Variants in CACNA2D1 observed in about 807,000 individuals in gnomAD.
The protein encoded by CACNA2D1 is calcium voltage-gated channel auxiliary subunit alpha2delta 1, also known as voltage-dependent calcium channel subunit alpha-2/delta-1.
Under a neutral mutation model 171.5 loss-of-function variants are expected in CACNA2D1, and 53 were observed. The observed-to-expected ratio is 0.31, with a 90% CI of 0.25 to 0.39. The LOEUF (loss-of-function observed/expected upper bound fraction) is 0.39, where lower values mean the gene tolerates loss of function less well. CACNA2D1 is among the 10% of genes least tolerant of loss of function. The pLI, the probability that CACNA2D1 is intolerant of heterozygous loss-of-function variation, is 1.00. For synonymous variants in CACNA2D1, 442 were observed against 443.1 expected, an observed-to-expected ratio of 1.00 and a Z score of 0.03; for missense variants, 903 against 1,299.8, an observed-to-expected ratio of 0.69 and a Z score of 4.69.
intron 4 of CACNA2D1, among the ~76,000 whole-genome samples, chr7:82,162,315 A>T (rs752316419): frequency 1.2e-4 from 18 of 151,926 alleles, no homozygotes; most frequent in Non-Finnish European, 2.5e-4. Context: ...TAATGTTGGA[A>T]GATACTGGAG....
chr7:81,996,970 C>G (rs1193250511), intron 19 of CACNA2D1, among the ~76,000 whole-genome samples: 1 of 152,012 alleles, frequency 6.6e-6, no homozygotes, highest in Non-Finnish European at 1.5e-5. Flanking sequence ...AGGTCGAACC[C>G]AACTTAAACA....
chr7:82,032,498 CTTTGA>C (rs1458066683), intron 12 of CACNA2D1, among the ~76,000 whole-genome samples: 2 of 151,468 alleles, frequency 1.3e-5, no homozygotes, highest in Non-Finnish European at 3.0e-5. Flanking sequence ...TTTACCATTC[CTTTGA>C]TTTCTCTATT....
intron 3 of CACNA2D1, among the ~76,000 whole-genome samples, chr7:82,257,497 A>T (rs1031348989): frequency 6.6e-6 from 1 of 152,234 alleles, no homozygotes; most frequent in African/African-American, 2.4e-5. Context: ...ATTCAAAGCC[A>T]ATGTGGTAAT....
chr7:82,073,838 T>A (rs1808631688), intron 7 of CACNA2D1, among the ~76,000 whole-genome samples: 2 of 152,052 alleles, frequency 1.3e-5, no homozygotes, highest in Non-Finnish European at 2.9e-5. Flanking sequence ...TGACCTCAGG[T>A]GATCCGCCTG....
chr7:82,337,714 T>C (rs1213870215), intron 2 of CACNA2D1, among the ~76,000 whole-genome samples: 1 of 152,196 alleles, frequency 6.6e-6, no homozygotes, highest in African/African-American at 2.4e-5. Context: ...ACTCTTCACA[T>C]GCTGTGCAAA....
intron 4 of CACNA2D1, among the ~76,000 whole-genome samples, chr7:82,148,972 T>C (rs973489449): frequency 6.6e-5 from 10 of 152,192 alleles, no homozygotes; most frequent in African/African-American, 2.2e-4. Context: ...AGAATCTTCT[T>C]GTATTTCCCC....
chr7:82,066,499 T>C lies in CACNA2D1; in HGVS notation c.684A>G (p.Arg228=), dbSNP rs1807629061. 1 of 1,607,316 alleles carries C rather than the reference T, an allele frequency of 6.2e-7. No homozygotes were observed. The highest frequency in any genetic ancestry group is 8.5e-7 in the Non-Finnish European group (1 of 1,178,034). Residue 228 remains arginine, a synonymous_variant, in exon 8 of 39, where the codon AGA becomes AGG. Transcript: ENST00000356860. ...YPASPWVDNS[R]TPNKIDLYDV... ...CATAAAGGTCAATCTTATTTGGAGT[T>C]CTACTATTATCAACCCATGGTGAAG...
intron 10 of CACNA2D1, among the ~76,000 whole-genome samples, chr7:82,060,193 T>C (rs1223591782): frequency 1.9e-4 from 2 of 10,492 alleles, no homozygotes; most frequent in African/African-American, 3.4e-4. Context: ...ATATATATTA[T>C]ATATATATTA....
chr7:82,102,235 A>C (rs1035817291), intron 6 of CACNA2D1, among the ~76,000 whole-genome samples: 1 of 152,148 alleles, frequency 6.6e-6, no homozygotes, highest in African/African-American at 2.4e-5. Context: ...ACTTGAAAAA[A>C]ATAAGCTTTA....
rs577129513 is a variant in CACNA2D1 at position 82,379,224 on chromosome 7, A to AC, written c.96-29576_96-29575insG. Among the ~76,000 whole-genome samples the AC allele has an allele frequency of 6.3e-3, 966 of 152,286 alleles. 11 individuals carry two copies. Among genetic ancestry groups the AC allele is most frequent in the African/African-American group, 0.022 (897 of 41,560 alleles). On this transcript the variant is annotated intron_variant, in intron 1 of 38. Coordinates refer to ENST00000356860, the MANE Select transcript of CACNA2D1 (RefSeq NM_000722.4). ...TATAGTTCATTTGTAAGCTTTAAAA[A>AC]TTACAGATTGTCTGATGCAACTCCA...
chr7:81,976,670 T>C (rs1252810364), intron 24 of CACNA2D1, among the ~76,000 whole-genome samples: 2 of 152,084 alleles, frequency 1.3e-5, no homozygotes, highest in African/African-American at 4.8e-5. Context: ...CTGGCCAAGA[T>C]AGTGAAACCT....
chr7:82,246,229 CTA>C (rs59473223), intron 3 of CACNA2D1, among the ~76,000 whole-genome samples: 5,318 of 150,202 alleles, frequency 0.035, 230 homozygotes, highest in East Asian at 0.092. Flanking sequence ...ATGTATATAT[CTA>C]TATATATATC....
chr7:82,121,627 G>C (rs537061352), intron 5 of CACNA2D1, among the ~76,000 whole-genome samples: 1 of 152,278 alleles, frequency 6.6e-6, no homozygotes, highest in Admixed American at 6.5e-5. Context: ...TAGATGAATA[G>C]ATTTAGAAAG....
Position 81,961,968 on chromosome 7 carries a change from A to G in CACNA2D1, c.2892T>C (p.Thr964=). 6.2e-7 allele frequency: 1 copy of G among 1,612,118 alleles called. No homozygotes were observed. Among genetic ancestry groups the G allele is most frequent in the Non-Finnish European group, 8.5e-7 (1 of 1,178,596 alleles). The change falls in exon 36 of 39, where the codon ACT becomes ACC. Residue 964 remains threonine (T), a synonymous_variant. Transcript: ENST00000356860. Reference sequence around the variant, plus strand: ...TATCGAAGAAATACTGGGTTTGTTCAGTAATGCAGCTCTGCTTGGACAGGG... The same window carrying G: ...TATCGAAGAAATACTGGGTTTGTTCGGTAATGCAGCTCTGCTTGGACAGGG... ...TASLSKQSCI[T]EQTQYFFDND... is the part of the protein sequence containing the mutation.
rs1453116093 is a variant in CACNA2D1 at position 82,367,190 on chromosome 7, TGAGCCAC to T, written c.96-17548_96-17542del. 2.6e-5 allele frequency among the ~76,000 whole-genome samples: 4 copies of T among 152,078 alleles called. No homozygotes were observed. The East Asian group carries it at 7.7e-4, about 29-fold the overall frequency. On this transcript the variant is annotated intron_variant, in intron 1 of 38. Transcript: ENST00000356860. ...CTCCCAAAGGGGTAGGATTACAGCA[TGAGCCAC>T]CATGCCTGGCTGATTTTTGACTTTT...
At chr7:82,244,675 G>A (rs563095015) in intron 3 of CACNA2D1, among the ~76,000 whole-genome samples, 1 of 152,100 alleles carries the variant, frequency 6.6e-6, no homozygotes, top group African/African-American at 2.4e-5. Context: ...GAATGGTTAT[G>A]ATTACAAAAA....
Position 81,965,576 on chromosome 7 carries a change from C to G in CACNA2D1, c.2574+18G>C, listed in dbSNP as rs78750249. On this transcript the variant is annotated intron_variant, in intron 32 of 38. Coordinates refer to ENST00000356860, the MANE Select transcript of CACNA2D1 (RefSeq NM_000722.4). ...CACACTTTGGAAAGCCTAATTCCCT[C>G]TTATTTGAGGTACATACCTGATTAG... 3 of 1,367,332 alleles carry G rather than the reference C, an allele frequency of 2.2e-6. No individual in the cohort carries two copies. The highest frequency in any genetic ancestry group is 3.1e-6 in the Non-Finnish European group (3 of 955,570). The allele number at this position is 1,367,332 out of a possible 1,614,324, so 84.7% of individuals were successfully genotyped here. A position where few individuals can be genotyped will look rare whatever the true frequency, so the allele number is the denominator to read the frequency against.
At chr7:82,128,275 C>CTA (rs1346096229) in intron 5 of CACNA2D1, among the ~76,000 whole-genome samples, 1 of 152,114 alleles carries the variant, frequency 6.6e-6, no homozygotes, top group Admixed American at 6.6e-5. Flanking sequence ...GTTTAAATGA[C>CTA]TAAAGCCATA....
At chr7:82,296,447 C>T (rs1812297853) in intron 3 of CACNA2D1, among the ~76,000 whole-genome samples, 1 of 152,072 alleles carries the variant, frequency 6.6e-6, no homozygotes, top group Non-Finnish European at 1.5e-5. Context: ...TATGCTACTG[C>T]AATTAATTAG....
Sources: allele counts gnomAD v4.1 joint callset (sites outside exome capture counted in the v4.1 genomes callset), GRCh38; gene constraint gnomAD v4.1.1; transcripts MANE v1.5; gene names NCBI Gene and HGNC (gene_info 2026-07-23, HGNC 2026-07-21).